SLC12A1: variants seen among roughly 807,000 people sequenced by gnomAD.
The protein encoded by SLC12A1 is solute carrier family 12 member 1, also known as Na-K-2Cl cotransporter.
Under a neutral mutation model 130.4 loss-of-function variants are expected in SLC12A1, and 89 were observed. The observed-to-expected ratio is 0.68, with a 90% CI of 0.58 to 0.81. The LOEUF is 0.81. Ranked by LOEUF, SLC12A1 falls within the 40% of genes least tolerant of loss-of-function variation. The pLI, the probability that SLC12A1 is intolerant of heterozygous loss-of-function variation, is 0.00. For missense variants in SLC12A1, 1,310 were observed against 1,336.4 expected (o/e 0.98, Z 0.31); for synonymous variants, 499 against 460.0 (o/e 1.08, Z -1.09).
At chr15:48,277,981 G>C (rs772940485) in intron 20 of SLC12A1, among the ~76,000 whole-genome samples, 6 of 152,122 alleles carry the variant, frequency 3.9e-5, no homozygotes, top group Non-Finnish European at 8.8e-5. Flanking sequence ...AGCACAAAAG[G>C]TTATCTCTTG....
chr15:48,208,075 G>A lies in SLC12A1; in HGVS notation c.356G>A (p.Gly119Asp), dbSNP rs1038695586. ...VPKIEYYRNT[G>D]SISGPKVNRP... is the part of the protein sequence containing the mutation. ...AAGATAGAGTACTATCGTAACACCG[G>A]CAGCATCAGTGGGCCCAAGGTCAAC... The change falls in exon 2 of 27, where the codon GGC becomes GAC. Residue 119 changes from glycine to aspartate, a missense_variant. Transcript: ENST00000380993. The A allele has an allele frequency of 1.2e-6, 2 of 1,613,076 alleles. No individual in the cohort carries two copies. The highest frequency in any genetic ancestry group is 1.3e-5 in the African/African-American group (1 of 74,884).
At chr15:48,300,272 C>T (rs1325362709) in intron 25 of SLC12A1, among the ~76,000 whole-genome samples, 2 of 151,038 alleles carry the variant, frequency 1.3e-5, no homozygotes, top group Non-Finnish European at 2.9e-5. Flanking sequence ...CAGAGGTGAG[C>T]TGAGCTCGTG....
intron 20 of SLC12A1, among the ~76,000 whole-genome samples, chr15:48,275,405 A>G (rs569991439): frequency 6.6e-6 from 1 of 152,316 alleles, no homozygotes; most frequent in African/African-American, 2.4e-5. Context: ...AGATTAATAA[A>G]TTCTGTCGTG....
chr15:48,229,150 C>T, intron 5 of SLC12A1, 39 bp from the exon 6 acceptor site: 2 of 1,558,772 alleles, frequency 1.3e-6, no homozygotes, highest in Non-Finnish European at 1.7e-6. Context: ...TATAAACTAG[C>T]AGTTCCTCAA....
In SLC12A1 at chr15:48,239,057, G is replaced by A. The variant is rs75706967; in HGVS notation, c.1216-2458G>A. Among the ~76,000 whole-genome samples the A allele has an allele frequency of 9.5e-3, 1,449 of 152,270 alleles. 22 individuals are homozygous for A. The highest frequency in any genetic ancestry group is 0.089 in the East Asian group (463 of 5,190). ...AATGAAAAAAGGTAAAGAAGTTTAG[G>A]TTTTGGGTTACTGCGTGTGGATAGA... On this transcript the variant is annotated intron_variant, in intron 9 of 26. Transcript: ENST00000380993.
At position 48,246,825 on chromosome 15, in the gene SLC12A1, G is replaced by GA. The variant is rs545882325; in HGVS notation, c.1453-78dup. 4.1e-4 allele frequency: 357 copies of GA among 874,684 alleles called. 1 individual carries two copies. In the African/African-American group the frequency reaches 5.2e-3, roughly 13 times the overall value. The allele number at this position is 874,684 out of a possible 1,614,324, so 54.2% of individuals were successfully genotyped here. A position where few individuals can be genotyped will look rare whatever the true frequency, so the allele number is the denominator to read the frequency against. On this transcript the variant is annotated intron_variant, in intron 11 of 26. Transcript: ENST00000380993. ...AAGGAATGTGAGAATGAAGCAGGGG[G>GA]AAAAAATGTAGTTGAAAGCCGTTTG...
chr15:48,229,876 T>G (rs1199507417), intron 6 of SLC12A1, among the ~76,000 whole-genome samples: 1 of 152,204 alleles, frequency 6.6e-6, no homozygotes, highest in Non-Finnish European at 1.5e-5. Context: ...ATGATAGCAT[T>G]CACTGAATTC....
chr15:48,267,518 T>C lies in SLC12A1; in HGVS notation c.2155-43T>C, dbSNP rs769219270. 2.5e-6 allele frequency: 4 copies of C among 1,607,892 alleles called. No homozygotes were observed. The East Asian group carries it at 6.7e-5, about 27-fold the overall frequency. Reference sequence around the variant, plus strand: ...TTTAGAAAACAACAGCAATGTGATATATAATAGCAGGGTTCTAACCAATAT... The same window carrying C: ...TTTAGAAAACAACAGCAATGTGATACATAATAGCAGGGTTCTAACCAATAT... On this transcript the variant is annotated intron_variant, in intron 17 of 26. Coordinates refer to ENST00000380993, the MANE Select transcript of SLC12A1 (RefSeq NM_000338.3).
chr15:48,270,692 T>C (rs1440365385), intron 19 of SLC12A1, among the ~76,000 whole-genome samples: 1 of 102,622 alleles, frequency 9.7e-6, no homozygotes, highest in Non-Finnish European at 1.8e-5. Context: ...TATTTATATA[T>C]ATACACATAC....
intron 17 of SLC12A1, among the ~76,000 whole-genome samples, chr15:48,265,078 T>C (rs911635858): frequency 3.3e-5 from 5 of 152,218 alleles, no homozygotes; most frequent in African/African-American, 4.8e-5. Flanking sequence ...TGAATAATTG[T>C]ATTCCAGTAT....
intron 16 of SLC12A1, among the ~76,000 whole-genome samples, chr15:48,256,881 T>TC (rs1472077490): frequency 8.2e-6 from 1 of 122,160 alleles, no homozygotes; most frequent in African/African-American, 3.1e-5. Context: ...TTCCCAACAG[T>TC]CCCCCAAAGT....
Position 48,285,103 on chromosome 15 carries a change from CAG to C in SLC12A1, c.2486_2487del. ...AGTAGGTGATTTTGTCTTCTTTCAT[CAG>C]AGGAATTAGAGAGATTAGAACAGGA... is the stretch of plus-strand genomic sequence containing the variant. On this transcript the variant is annotated splice_acceptor_variant, in intron 20 of 26. Coordinates refer to ENST00000380993, the MANE Select transcript of SLC12A1 (RefSeq NM_000338.3). LOFTEE classifies it high-confidence loss of function. The C allele has an allele frequency of 6.4e-7, 1 of 1,565,068 alleles. No homozygotes were observed. Among genetic ancestry groups the C allele is most frequent in the Non-Finnish European group, 8.6e-7 (1 of 1,157,104 alleles).
intron 4 of SLC12A1, chr15:48,225,662 T>A (rs1013476592): frequency 4.6e-5 from 7 of 152,410 alleles, no homozygotes; most frequent in Admixed American, 4.6e-4. Flanking sequence ...CTCTTAAGTT[T>A]CTTGGAACCA....
At chr15:48,288,290 C>A in intron 22 of SLC12A1, 115 bp from the exon 23 acceptor site, 1 of 1,181,132 alleles carries the variant, frequency 8.5e-7, no homozygotes, top group Non-Finnish European at 1.2e-6. Context: ...CTGTGTTCTC[C>A]AAAGACTATA....
At chr15:48,243,032 A>T (rs8025216) in intron 10 of SLC12A1, among the ~76,000 whole-genome samples, 5,609 of 152,146 alleles carry the variant, frequency 0.037, 143 homozygotes, top group East Asian at 0.092. Flanking sequence ...TTGCCCCTAA[A>T]GGGTGGGAAA....
At chr15:48,302,336 G>T (rs980002102) in intron 26 of SLC12A1, among the ~76,000 whole-genome samples, 1 of 151,960 alleles carries the variant, frequency 6.6e-6, no homozygotes, top group Non-Finnish European at 1.5e-5. Flanking sequence ...AATTAAGGCT[G>T]CCGGCCGGGC....
Position 48,246,934 on chromosome 15 carries a change from G to A in SLC12A1, c.1478G>A (p.Gly493Asp), listed in dbSNP as rs1419661702. ...FQVMSMVSGF[G>D]PLITAGIFSA... ...GTCATGAGCATGGTATCAGGGTTCGGCCCCCTCATCACTGCGGGAATCTTT... is the reference window on the plus strand; with the variant it reads ...GTCATGAGCATGGTATCAGGGTTCGACCCCCTCATCACTGCGGGAATCTTT... Residue 493 changes from glycine to aspartate, a missense_variant, in exon 12 of 27, where the codon GGC becomes GAC. Coordinates refer to ENST00000380993, the MANE Select transcript of SLC12A1 (RefSeq NM_000338.3). 1.9e-6 allele frequency: 3 copies of A among 1,613,698 alleles called. No homozygotes were observed. The highest frequency in any genetic ancestry group is 2.5e-6 in the Non-Finnish European group (3 of 1,179,672).
At chr15:48,288,255 C>T in intron 22 of SLC12A1, 81 bp downstream of exon 22, 1 of 1,354,868 alleles carries the variant, frequency 7.4e-7, no homozygotes, top group Non-Finnish European at 1.0e-6. Flanking sequence ...TATATGGGAA[C>T]AATACTGGTT....
chr15:48,267,472 C>A, intron 17 of SLC12A1, 89 bp from the exon 18 acceptor site: 1 of 1,388,688 alleles, frequency 7.2e-7, no homozygotes, highest in Non-Finnish European at 1.0e-6. Context: ...CTCAATGGGG[C>A]ATTGCTGGCT....
Sources: gnomAD v4.1 joint callset for allele counts (sites outside exome capture counted in the v4.1 genomes callset) on GRCh38, gnomAD v4.1.1 for gene constraint, MANE v1.5 for transcripts, NCBI Gene and HGNC (gene_info 2026-07-23, HGNC 2026-07-21) for gene names.